The following FNDC3A variants were observed in gnomAD, a reference collection of about 807,000 sequenced individuals.
FNDC3A encodes the protein fibronectin type III domain containing 3A.
In FNDC3A, 32 loss-of-function variants were observed where a neutral mutation model predicts 148.9. That is an observed-to-expected ratio of 0.21 (90% confidence interval 0.16 to 0.29). The LOEUF (loss-of-function observed/expected upper bound fraction) is 0.29, where lower values mean the gene tolerates loss of function less well. Ranked by LOEUF, FNDC3A falls within the 10% of genes least tolerant of loss-of-function variation. The pLI, the probability that FNDC3A is intolerant of heterozygous loss-of-function variation, is 1.00. For missense variants in FNDC3A, 1,191 were observed against 1,452.8 expected, an observed-to-expected ratio of 0.82 and a Z score of 2.93; for synonymous variants, 472 against 473.6, an observed-to-expected ratio of 1.00 and a Z score of 0.04.
Position 49,198,469 on chromosome 13 carries a change from C to T in FNDC3A, c.2882C>T (p.Ala961Val). 1 of 1,614,114 alleles carries T rather than the reference C, an allele frequency of 6.2e-7. No individual in the cohort carries two copies. The highest frequency in any genetic ancestry group is 1.3e-5 in the African/African-American group (1 of 75,044). Residue 961 changes from alanine to valine, a missense_variant, in exon 23 of 26, where the codon GCC (alanine) becomes GTC (valine). By Grantham distance (64) the Ala-to-Val change is moderately conservative (BLOSUM62 0). This residue lies in a region of FNDC3A where 751 missense variants were observed against 944.0 expected (regional missense o/e 0.80). Transcript: ENST00000492622. ...GATCCACCTCGTCTGGAATGTGTTG[C>T]CTTTAGCCACCAGAACCTTAAGCTG... ...PPDPPRLECV[A>V]FSHQNLKLKW...
intron 3 of FNDC3A, chr13:49,110,514 G>A (rs1880495718): frequency 2.6e-6 from 2 of 783,202 alleles, no homozygotes; most frequent in Non-Finnish European, 4.5e-6. Flanking sequence ...AAATATCATC[G>A]CCATAAAATA....
chr13:49,061,358 CCTTCCCTTCCCTTCCCTTCCCTTCCCTT>C (rs1876688917), intron 2 of FNDC3A, among the ~76,000 whole-genome samples: 1 of 1,710 alleles, frequency 5.8e-4, no homozygotes, highest in African/African-American at 2.9e-3. Context: ...CCTTCCCTTA[CCTTCCCTTCCCTTCCCTTCCCTTCCCTT>C]CCCTTCCCTC....
chr13:48,999,495 A>G (rs1022860153), intron 1 of FNDC3A, among the ~76,000 whole-genome samples: 1 of 152,206 alleles, frequency 6.6e-6, no homozygotes, highest in Non-Finnish European at 1.5e-5. Context: ...TATCTGATTT[A>G]GATGATACTT....
intron 3 of FNDC3A, among the ~76,000 whole-genome samples, chr13:49,112,577 G>T (rs1251581872): frequency 6.6e-6 from 1 of 152,138 alleles, no homozygotes; most frequent in Admixed American, 6.5e-5. Flanking sequence ...AGGCTTTAGA[G>T]CATTGTTCTT....
chr13:48,986,786 G>T (rs1951814764), intron 1 of FNDC3A, among the ~76,000 whole-genome samples: 1 of 152,100 alleles, frequency 6.6e-6, no homozygotes, highest in South Asian at 2.1e-4. Context: ...TATAAACAAA[G>T]AATCTGGTCA....
At chr13:49,204,628 A>G in intron 25 of FNDC3A, among the ~76,000 whole-genome samples, 1 of 152,238 alleles carries the variant, frequency 6.6e-6, no homozygotes, top group East Asian at 1.9e-4. Context: ...AATATTAAAG[A>G]AAATATAATT....
intron 2 of FNDC3A, among the ~76,000 whole-genome samples, chr13:49,016,045 G>A (rs1246886126): frequency 6.6e-6 from 1 of 152,208 alleles, no homozygotes; most frequent in East Asian, 1.9e-4. Context: ...GTTCATCAAG[G>A]ACATTGGTCT....
chr13:49,068,043 T>A (rs1409374776), intron 2 of FNDC3A, among the ~76,000 whole-genome samples: 1 of 152,064 alleles, frequency 6.6e-6, no homozygotes, highest in Non-Finnish European at 1.5e-5. Context: ...AAATTTTAAG[T>A]ATGTTTTACA....
At chr13:49,017,303 A>G (rs1373743528) in intron 2 of FNDC3A, among the ~76,000 whole-genome samples, 1 of 152,170 alleles carries the variant, frequency 6.6e-6, no homozygotes, top group Non-Finnish European at 1.5e-5. Context: ...GAGTGCACAT[A>G]TATTTAGGAT....
rs541736376 is a variant in FNDC3A at position 49,176,645 on chromosome 13, A to G, written c.1530+1104A>G. On this transcript the variant is annotated intron_variant, in intron 13 of 25. Transcript: ENST00000492622. ...TTAAAGTATAATTTTTTAAAAAATC[A>G]GAAAAAAAAACATTTTAGTGTGGCA... Among the ~76,000 whole-genome samples, 3 of 152,276 alleles carry G rather than the reference A, an allele frequency of 2.0e-5. No homozygotes were observed. In the South Asian group the frequency reaches 6.2e-4, roughly 32 times the overall value.
At chr13:49,159,809 C>T (rs577884817) in intron 8 of FNDC3A, among the ~76,000 whole-genome samples, 1 of 152,100 alleles carries the variant, frequency 6.6e-6, no homozygotes, top group African/African-American at 2.4e-5. Context: ...CTAGTTTATT[C>T]AGAGTTTTTA....
intron 2 of FNDC3A, among the ~76,000 whole-genome samples, chr13:49,016,516 T>C (rs1211695071): frequency 6.6e-6 from 1 of 152,168 alleles, no homozygotes; most frequent in South Asian, 2.1e-4. Flanking sequence ...GTCTTGCTAG[T>C]GGTCTATCAA....
At chr13:49,024,167 A>G (rs1873532256) in intron 2 of FNDC3A, among the ~76,000 whole-genome samples, 1 of 152,020 alleles carries the variant, frequency 6.6e-6, no homozygotes, top group African/African-American at 2.4e-5. Context: ...ACCAACCAAA[A>G]TTGGAACAAG....
At chr13:49,175,957 TGTG>T (rs1885009097) in intron 13 of FNDC3A, among the ~76,000 whole-genome samples, 1 of 152,220 alleles carries the variant, frequency 6.6e-6, no homozygotes, top group Non-Finnish European at 1.5e-5. Flanking sequence ...GAGATAATCA[TGTG>T]GTTTTTGTCA....
intron 12 of FNDC3A, 145 bp downstream of exon 12, chr13:49,174,704 C>A: frequency 1.5e-6 from 1 of 655,152 alleles, no homozygotes; most frequent in Non-Finnish European, 2.5e-6. Flanking sequence ...TGTTACCAGT[C>A]TAGCAAAAGC....
intron 14 of FNDC3A, among the ~76,000 whole-genome samples, chr13:49,179,257 G>C (rs1566309871): frequency 6.6e-6 from 1 of 152,046 alleles, no homozygotes; most frequent in Non-Finnish European, 1.5e-5. Flanking sequence ...TTTGTTGGCA[G>C]GGATATCACA....
At chr13:49,165,002 C>T (rs1216256794) in intron 8 of FNDC3A, among the ~76,000 whole-genome samples, 1 of 152,134 alleles carries the variant, frequency 6.6e-6, no homozygotes, top group Non-Finnish European at 1.5e-5. Flanking sequence ...TCTTCAGTTC[C>T]AGAATTTCTG....
chr13:49,145,852 T>C lies in FNDC3A; in HGVS notation c.894T>C (p.Asp298=), dbSNP rs1481822364. ...CCAGCCTCATTAATGGTGAAACAGA[T>C]GAAAGTAGTGTACCAGAGCTCTATG... The part of the protein sequence containing the change: ...PPSSLINGET[D]ESSVPELYGY... Residue 298 remains aspartate (D), a synonymous_variant, in exon 8 of 26, where the codon GAT becomes GAC. Coordinates refer to ENST00000492622, the MANE Select transcript of FNDC3A (RefSeq NM_001079673.2). 3.1e-6 allele frequency: 5 copies of C among 1,613,384 alleles called. No individual in the cohort carries two copies. The highest frequency in any genetic ancestry group is 1.1e-5 in the South Asian group (1 of 91,066).
chr13:49,083,030 G>A (rs1013322708), intron 3 of FNDC3A, among the ~76,000 whole-genome samples: 7 of 152,100 alleles, frequency 4.6e-5, no homozygotes, highest in Non-Finnish European at 1.0e-4. Context: ...AAGAGTCAGA[G>A]CCCAACTAGG....
Sources: allele counts gnomAD v4.1 joint callset (sites outside exome capture counted in the v4.1 genomes callset), GRCh38; gene constraint gnomAD v4.1.1; regional missense constraint gnomAD v4.1.1; transcripts MANE v1.5; gene names NCBI Gene and HGNC (gene_info 2026-07-23, HGNC 2026-07-21).